Variants in USP37 observed in about 807,000 individuals in gnomAD.
USP37 encodes the protein ubiquitin carboxyl-terminal hydrolase 37.
Under a neutral mutation model 124.0 loss-of-function variants are expected in USP37, and 27 were observed. That is an observed-to-expected ratio of 0.22 (90% CI 0.16 to 0.30). USP37 has a LOEUF of 0.30. Among genes scored for constraint, USP37 ranks in the 10% least tolerant of loss-of-function variants. The probability of loss-of-function intolerance (pLI) is 1.00; values close to 1 mark genes in which losing one functional copy is unlikely to be tolerated. For synonymous variants in USP37, 365 were observed against 388.0 expected, an observed-to-expected ratio of 0.94 and a Z score of 0.70; for missense variants, 889 against 1,140.4, an observed-to-expected ratio of 0.78 and a Z score of 3.17.
chr2:218,475,925 CAAA>C (rs5838701), intron 19 of USP37, among the ~76,000 whole-genome samples: 1 of 142,438 alleles, frequency 7.0e-6, no homozygotes. Context: ...GACTCCGTCT[CAAA>C]AAAAAAAAAA....
chr2:218,503,268 C>G (rs1689487817), intron 11 of USP37, among the ~76,000 whole-genome samples: 1 of 152,198 alleles, frequency 6.6e-6, no homozygotes, highest in Admixed American at 6.5e-5. Flanking sequence ...ATACAAAATA[C>G]ATTTCTGTCT....
intron 1 of USP37, among the ~76,000 whole-genome samples, chr2:218,567,114 G>A (rs545399263): frequency 3.9e-5 from 6 of 152,186 alleles, no homozygotes; most frequent in Admixed American, 3.9e-4. Flanking sequence ...GCTTAGGGAG[G>A]AATATAAGAG....
At chr2:218,485,568 T>C (rs1254710934) in intron 16 of USP37, 96 bp downstream of exon 16, 2 of 1,309,360 alleles carry the variant, frequency 1.5e-6, no homozygotes, top group Non-Finnish European at 2.1e-6. Context: ...TCAGTAATAT[T>C]TGTATGAACT....
intron 4 of USP37, 147 bp downstream of exon 4, chr2:218,558,351 G>C (rs546485203): frequency 2.8e-6 from 2 of 704,930 alleles, no homozygotes; most frequent in Admixed American, 3.0e-5. Flanking sequence ...TATAAAACAT[G>C]TACATAAAAA....
intron 11 of USP37, among the ~76,000 whole-genome samples, chr2:218,503,752 A>G (rs531961244): frequency 1.3e-5 from 2 of 152,238 alleles, no homozygotes; most frequent in South Asian, 2.1e-4. Flanking sequence ...AGTAAAATGT[A>G]TGATAACAGT....
chr2:218,467,315 ATATCTATCTATCTATC>A (rs55656029), intron 20 of USP37, among the ~76,000 whole-genome samples: 114 of 141,728 alleles, frequency 8.0e-4, no homozygotes, highest in Middle Eastern at 3.7e-3. Flanking sequence ...CAGCTAATCT[ATATCTATCTATCTATC>A]TATCTATCTA....
At chr2:218,477,994 C>A (rs1379910562) in intron 18 of USP37, among the ~76,000 whole-genome samples, 1 of 152,094 alleles carries the variant, frequency 6.6e-6, no homozygotes, top group African/African-American at 2.4e-5. Context: ...AGAACAAGAA[C>A]TTTCTTTGAT....
At chr2:218,477,130 T>A in intron 18 of USP37, 149 bp from the exon 19 acceptor site, 1 of 948,924 alleles carries the variant, frequency 1.1e-6, no homozygotes, top group Non-Finnish European at 1.4e-6. Context: ...ATTTCAGCAT[T>A]ACCTTTGCCC....
intron 16 of USP37, 50 bp from the exon 17 acceptor site, chr2:218,482,284 T>C: frequency 6.4e-7 from 1 of 1,553,482 alleles, no homozygotes; most frequent in Non-Finnish European, 8.7e-7. Context: ...AATACATGTA[T>C]CTTTCTTACA....
Position 218,459,830 on chromosome 2 carries a change from T to C in USP37, c.2603A>G (p.Tyr868Cys). Residue 868 changes from tyrosine (Y) to cysteine (C), a missense_variant, in exon 23 of 26, where the codon TAC (tyrosine) becomes TGC (cysteine). Coordinates refer to ENST00000258399, the MANE Select transcript of USP37 (RefSeq NM_020935.3). Reference protein sequence around the residue: ...SGNEDVFDMEYTEAEAEELKR... With the variant: ...SGNEDVFDMECTEAEAEELKR... ...CAGTTCCTCAGCTTCAGCTTCTGTG[T>C]ACTCCATATCAAAAACATCCTCATT... 1 of 1,613,992 alleles carries C rather than the reference T, an allele frequency of 6.2e-7. No homozygotes were observed. Among genetic ancestry groups the C allele is most frequent in the Non-Finnish European group, 8.5e-7 (1 of 1,179,914 alleles).
chr2:218,498,230 TC>T (rs1559187731), intron 11 of USP37, 73 bp from the exon 12 acceptor site: 1 of 1,424,274 alleles, frequency 7.0e-7, no homozygotes, highest in East Asian at 2.4e-5. Flanking sequence ...GTAGGAGTTC[TC>T]CACTTTATGT....
At chr2:218,528,707 A>T in intron 10 of USP37, 1 of 417,620 alleles carries the variant, frequency 2.4e-6, no homozygotes, top group Non-Finnish European at 4.3e-6. Context: ...CACTTTTTAC[A>T]TTTAAAACCA....
intron 1 of USP37, among the ~76,000 whole-genome samples, 167 bp from the exon 2 acceptor site, chr2:218,562,980 A>G (rs1693386091): frequency 6.6e-6 from 1 of 152,076 alleles, no homozygotes; most frequent in African/African-American, 2.4e-5. Flanking sequence ...CCTGACCAAC[A>G]TGGAGAAACC....
intron 19 of USP37, among the ~76,000 whole-genome samples, chr2:218,475,330 A>AC (rs1428639860): frequency 2.6e-5 from 4 of 152,248 alleles, no homozygotes; most frequent in Non-Finnish European, 4.4e-5. Context: ...AAGATTATGT[A>AC]AAGAAGGCTG....
Position 218,549,925 on chromosome 2 carries a change from A to G in USP37, c.329-16T>C. 2 of 1,572,756 alleles carry G rather than the reference A, an allele frequency of 1.3e-6. No individual in the cohort carries two copies. The highest frequency in any genetic ancestry group is 1.7e-4 in the Middle Eastern group (1 of 5,840). On this transcript the variant is annotated splice_polypyrimidine_tract_variant and intron_variant, in intron 5 of 25. Coordinates refer to ENST00000258399, the MANE Select transcript of USP37 (RefSeq NM_020935.3). ...GGTTTCATGGCTGGTGACCAAAAAT[A>G]TAATTTTTTTTAAAATCCCCAAATC...
At chr2:218,533,531 G>C (rs1691453566) in intron 9 of USP37, among the ~76,000 whole-genome samples, 1 of 152,112 alleles carries the variant, frequency 6.6e-6, no homozygotes, top group Non-Finnish European at 1.5e-5. Flanking sequence ...CTTCAGCATT[G>C]TTAAGGCTTA....
intron 17 of USP37, among the ~76,000 whole-genome samples, chr2:218,481,442 T>C (rs1691266215): frequency 6.6e-6 from 1 of 152,160 alleles, no homozygotes; most frequent in African/African-American, 2.4e-5. Flanking sequence ...GTATTTTTAG[T>C]GTCTAGGTGA....
At chr2:218,509,581 T>TC (rs1689864827) in intron 11 of USP37, among the ~76,000 whole-genome samples, 1 of 151,806 alleles carries the variant, frequency 6.6e-6, no homozygotes, top group African/African-American at 2.4e-5. Flanking sequence ...CCCATTTCTA[T>TC]TAAAAAAAAA....
In USP37 at chr2:218,453,582, A is replaced by T. The variant is rs1689552990; in HGVS notation, c.*1348T>A. On this transcript the variant is annotated 3_prime_UTR_variant, in exon 26 of 26. Transcript: ENST00000258399. ...AAAATTATTTTGTGGACAGAATTCC[A>T]TCCTCAAAAGAATTCTTTATATGGT... 6.6e-6 allele frequency: 1 copy of T among 152,230 alleles called. No homozygotes were observed. Among genetic ancestry groups the T allele is most frequent in the African/African-American group, 2.4e-5 (1 of 41,472 alleles). The allele number at this position is 152,230 out of a possible 1,614,324, so 9.4% of individuals were successfully genotyped here. A position where few individuals can be genotyped will look rare whatever the true frequency, so the allele number is the denominator to read the frequency against.
Sources: allele counts gnomAD v4.1 joint callset (sites outside exome capture counted in the v4.1 genomes callset), GRCh38; gene constraint gnomAD v4.1.1; transcripts MANE v1.5; gene names NCBI Gene and HGNC (gene_info 2026-07-23, HGNC 2026-07-21).